The following PTH2R variants were observed in gnomAD, a reference collection of about 807,000 sequenced individuals.
PTH2R encodes the protein parathyroid hormone 2 receptor.
Under a neutral mutation model 60.3 loss-of-function variants are expected in PTH2R, and 59 were observed. The observed-to-expected ratio is 0.98, with a 90% CI of 0.79 to 1.22. PTH2R has a LOEUF of 1.22. Among genes scored for constraint, PTH2R ranks in the 50% most tolerant of loss-of-function variants. PTH2R has a pLI of 0.00. For synonymous variants in PTH2R, 256 were observed against 243.8 expected (o/e 1.05, Z -0.47); for missense variants, 749 against 682.6 (o/e 1.10, Z -1.08).
intron 1 of PTH2R, among the ~76,000 whole-genome samples, chr2:208,369,312 G>GT (rs1424543505): frequency 6.6e-6 from 1 of 151,540 alleles, no homozygotes; most frequent in East Asian, 1.9e-4. Context: ...ATTCCAACTT[G>GT]GTTGTTCACA....
chr2:208,477,501 C>G (rs907513150), intron 9 of PTH2R, among the ~76,000 whole-genome samples: 3 of 152,074 alleles, frequency 2.0e-5, no homozygotes, highest in South Asian at 4.2e-4. Flanking sequence ...ATATTGGGTA[C>G]AGTGTACACT....
At chr2:208,382,944 C>T (rs989002869) in intron 1 of PTH2R, among the ~76,000 whole-genome samples, 3 of 152,266 alleles carry the variant, frequency 2.0e-5, no homozygotes, top group Non-Finnish European at 4.4e-5. Flanking sequence ...TGTCTTCCCA[C>T]AGCTGTCCCC....
At chr2:208,447,313 G>T (rs1171198742) in intron 7 of PTH2R, among the ~76,000 whole-genome samples, 1 of 152,016 alleles carries the variant, frequency 6.6e-6, no homozygotes, top group African/African-American at 2.4e-5. Context: ...AGGAGGCTGG[G>T]CGCAGTGGCT....
intron 10 of PTH2R, among the ~76,000 whole-genome samples, chr2:208,484,100 T>C (rs1703220845): frequency 6.6e-6 from 1 of 152,252 alleles, no homozygotes; most frequent in Non-Finnish European, 1.5e-5. Context: ...GTTCAAATAT[T>C]CTTGCTAAAA....
chr2:208,449,401 C>T (rs1291935907), intron 7 of PTH2R, among the ~76,000 whole-genome samples: 2 of 151,424 alleles, frequency 1.3e-5, no homozygotes, highest in Non-Finnish European at 2.9e-5. Context: ...CAATCTTTGA[C>T]ACATAAATAG....
intron 8 of PTH2R, among the ~76,000 whole-genome samples, chr2:208,453,406 T>C (rs536402467): frequency 1.3e-5 from 2 of 152,340 alleles, no homozygotes; most frequent in Admixed American, 1.3e-4. Flanking sequence ...TATTCTACCA[T>C]ATAAATCTTC....
chr2:208,451,374 G>A (rs1702405521), intron 8 of PTH2R, among the ~76,000 whole-genome samples: 1 of 152,132 alleles, frequency 6.6e-6, no homozygotes, highest in Non-Finnish European at 1.5e-5. Flanking sequence ...GAAGTTCTGG[G>A]TTTTATTTGT....
intron 1 of PTH2R, among the ~76,000 whole-genome samples, chr2:208,414,192 G>A (rs1475545866): frequency 6.6e-6 from 1 of 152,200 alleles, no homozygotes; most frequent in Admixed American, 6.5e-5. Flanking sequence ...TTGTTTAGAA[G>A]AGAAGTGATT....
intron 1 of PTH2R, among the ~76,000 whole-genome samples, chr2:208,412,574 T>C (rs771137860): frequency 1.3e-5 from 2 of 152,220 alleles, no homozygotes; most frequent in Non-Finnish European, 2.9e-5. Context: ...TGCCATAGAA[T>C]AGCCTTGAAA....
At chr2:208,464,813 A>G (rs946895326) in intron 9 of PTH2R, among the ~76,000 whole-genome samples, 3 of 152,196 alleles carry the variant, frequency 2.0e-5, no homozygotes, top group Non-Finnish European at 4.4e-5. Context: ...CAGGGGTTCA[A>G]GACCAGCCTG....
intron 12 of PTH2R, among the ~76,000 whole-genome samples, chr2:208,492,040 A>G (rs1292190208): frequency 1.3e-5 from 2 of 152,234 alleles, no homozygotes; most frequent in African/African-American, 4.8e-5. Flanking sequence ...AGGTGACATC[A>G]GCATACTGGA....
chr2:208,395,322 A>T (rs142346680), intron 1 of PTH2R, among the ~76,000 whole-genome samples: 5,038 of 152,188 alleles, frequency 0.033, 261 homozygotes, highest in African/African-American at 0.11. Context: ...GCTGGATTAC[A>T]GGCATGAACC....
chr2:208,442,022 T>A (rs1025473278), intron 4 of PTH2R, among the ~76,000 whole-genome samples: 4 of 152,198 alleles, frequency 2.6e-5, no homozygotes, highest in African/African-American at 9.6e-5. Context: ...GATAAAAAAG[T>A]ATATACTGTA....
intron 1 of PTH2R, among the ~76,000 whole-genome samples, chr2:208,384,558 C>G (rs987968424): frequency 5.9e-5 from 9 of 152,152 alleles, no homozygotes; most frequent in African/African-American, 9.7e-5. Flanking sequence ...AAAAGATTGT[C>G]AATTCAGTGC....
At chr2:208,465,543 C>T (rs1265479946) in intron 9 of PTH2R, among the ~76,000 whole-genome samples, 3 of 149,648 alleles carry the variant, frequency 2.0e-5, no homozygotes, top group African/African-American at 7.4e-5. Flanking sequence ...GCTGATATTA[C>T]AGGCACGTGC....
intron 1 of PTH2R, among the ~76,000 whole-genome samples, chr2:208,415,946 C>G (rs1207564456): frequency 6.6e-6 from 1 of 152,148 alleles, no homozygotes; most frequent in East Asian, 1.9e-4. Flanking sequence ...TAGTTTAAAA[C>G]TACTTACCTT....
chr2:208,480,419 T>C (rs1364689604), intron 9 of PTH2R, among the ~76,000 whole-genome samples: 1 of 152,192 alleles, frequency 6.6e-6, no homozygotes, highest in East Asian at 1.9e-4. Context: ...TCATCTGGAA[T>C]GTCTTCACTG....
Position 208,388,468 on chromosome 2 carries a change from C to T in PTH2R, c.-259+28231C>T, listed in dbSNP as rs1280682891. ...AACACTACAATGACATCTTTTTCTT[C>T]TGTCATGTTCATACCTGTGTCCCAT... On this transcript the variant is annotated intron_variant, in intron 1 of 12. Coordinates refer to the PTH2R transcript ENST00000617735. Among the ~76,000 whole-genome samples the T allele has an allele frequency of 2.0e-5, 3 of 152,212 alleles. No homozygotes were observed. In the East Asian group the frequency reaches 5.8e-4, roughly 29 times the overall value.
chr2:208,359,911 G>T, exon 1 of PTH2R: 1 of 224,400 alleles, frequency 4.5e-6, no homozygotes, highest in Non-Finnish European at 9.2e-6. Context: ...CAGGGAGACC[G>T]GGAGGTGGCA....
Sources: allele counts gnomAD v4.1 joint callset (sites outside exome capture counted in the v4.1 genomes callset), GRCh38; gene constraint gnomAD v4.1.1; transcripts MANE v1.5; gene names NCBI Gene and HGNC (gene_info 2026-07-23, HGNC 2026-07-21).